BBX: variants seen among roughly 807,000 people sequenced by gnomAD.
BBX encodes HMG box transcription factor BBX.
Under a neutral mutation model 100.2 loss-of-function variants are expected in BBX, and 30 were observed. The observed-to-expected ratio is 0.30, with a 90% CI of 0.22 to 0.41. BBX has a LOEUF of 0.41. BBX is among the 10% of genes least tolerant of loss of function. The probability of loss-of-function intolerance (pLI) is 1.00; values close to 1 mark genes in which losing one functional copy is unlikely to be tolerated. For missense variants in BBX, 1,023 were observed against 1,129.8 expected (o/e 0.91, Z 1.35); for synonymous variants, 376 against 388.1 (o/e 0.97, Z 0.37).
chr3:107,562,029 A>C (rs1479090691), intron 2 of BBX, among the ~76,000 whole-genome samples: 1 of 152,212 alleles, frequency 6.6e-6, no homozygotes. Flanking sequence ...CATGGATTTC[A>C]TTTAATCCGT....
intron 3 of BBX, among the ~76,000 whole-genome samples, chr3:107,648,535 A>G (rs1301262229): frequency 1.3e-5 from 2 of 152,164 alleles, no homozygotes; most frequent in Non-Finnish European, 2.9e-5. Flanking sequence ...CGCTTTTTCC[A>G]GTAGTAATAT....
Position 107,805,665 on chromosome 3 carries a change from C to T in BBX, c.*208C>T. ...CCAGAATCTTTGAGGGTAAGGTTAT[C>T]TGTCTGATACTGAGCAGAAACAGAA... On this transcript the variant is annotated 3_prime_UTR_variant, in exon 18 of 18. Coordinates refer to ENST00000325805, the MANE Select transcript of BBX (RefSeq NM_001142568.3). 2.4e-6 allele frequency: 2 copies of T among 839,222 alleles called. No homozygotes were observed. Among genetic ancestry groups the T allele is most frequent in the Non-Finnish European group, 1.8e-6 (1 of 560,020 alleles). 52.0% of individuals were successfully genotyped at this position (839,222 alleles called of 1,614,324 possible).
chr3:107,746,474 T>C (rs1032243513), intron 8 of BBX, among the ~76,000 whole-genome samples: 1 of 152,208 alleles, frequency 6.6e-6, no homozygotes, highest in African/African-American at 2.4e-5. Flanking sequence ...CTACCTAGTT[T>C]GTTAAATTGG....
intron 10 of BBX, among the ~76,000 whole-genome samples, chr3:107,764,512 T>C (rs74901027): frequency 0.025 from 3,854 of 152,290 alleles, 64 homozygotes; most frequent in Non-Finnish European, 0.041. Flanking sequence ...AAAAATAAAG[T>C]AGTACCTGAG....
chr3:107,672,792 CATTTTAATGAAGTAA>C (rs1381554870), intron 3 of BBX, among the ~76,000 whole-genome samples: 4 of 152,120 alleles, frequency 2.6e-5, no homozygotes, highest in South Asian at 4.1e-4. Flanking sequence ...GACTGTTGGT[CATTTTAATGAAGTAA>C]ATTTTAATGA....
intron 3 of BBX, among the ~76,000 whole-genome samples, chr3:107,703,032 A>G (rs2061177629): frequency 6.6e-6 from 1 of 152,174 alleles, no homozygotes; most frequent in Admixed American, 6.5e-5. Context: ...GTTCAGCTGC[A>G]TTGAGAGTAA....
chr3:107,778,245 C>T (rs2067488449), intron 12 of BBX, 126 bp from the exon 13 acceptor site: 1 of 1,186,244 alleles, frequency 8.4e-7, no homozygotes, highest in Non-Finnish European at 1.2e-6. Context: ...TTTCCTTGCA[C>T]AGAATTTACT....
intron 3 of BBX, among the ~76,000 whole-genome samples, chr3:107,701,632 T>C (rs1164132268): frequency 6.6e-6 from 1 of 152,234 alleles, no homozygotes; most frequent in Non-Finnish European, 1.5e-5. Context: ...TCAGTAAATA[T>C]GTATTCAACT....
chr3:107,524,898 A>G (rs894828153), intron 1 of BBX, among the ~76,000 whole-genome samples: 1 of 151,194 alleles, frequency 6.6e-6, no homozygotes, highest in East Asian at 2.0e-4. Flanking sequence ...TGGGGCTTTG[A>G]AACCATTGCC....
In BBX at chr3:107,647,340, C is replaced by T. The variant is rs549982222; in HGVS notation, c.-10+1431C>T. On this transcript the variant is annotated intron_variant, in intron 3 of 17. Transcript: ENST00000325805. ...CAAAAAGCAAAGCCGGACACTTTAT[C>T]TGACCTGTTCAGAAAAACTAAGTAA... Among the ~76,000 whole-genome samples the T allele has an allele frequency of 2.0e-5, 3 of 152,310 alleles. No homozygotes were observed. In the East Asian group the frequency reaches 5.8e-4, roughly 29 times the overall value.
chr3:107,687,151 AG>A (rs2059894216), intron 3 of BBX, among the ~76,000 whole-genome samples: 1 of 152,210 alleles, frequency 6.6e-6, no homozygotes, highest in South Asian at 2.1e-4. Context: ...AAATGTCAGA[AG>A]TTAAAAAACA....
intron 2 of BBX, among the ~76,000 whole-genome samples, chr3:107,625,573 C>T (rs1371688617): frequency 1.3e-5 from 2 of 152,206 alleles, no homozygotes; most frequent in East Asian, 3.8e-4. Context: ...TGGGAGCCAC[C>T]ATGCCTGGTA....
At chr3:107,717,641 A>G (rs2062198382) in intron 5 of BBX, among the ~76,000 whole-genome samples, 1 of 152,134 alleles carries the variant, frequency 6.6e-6, no homozygotes, top group South Asian at 2.1e-4. Flanking sequence ...TCCATGTAGG[A>G]AGGCTATTCA....
chr3:107,586,939 TG>T (rs2052894517), intron 2 of BBX, among the ~76,000 whole-genome samples: 1 of 151,756 alleles, frequency 6.6e-6, no homozygotes, highest in Non-Finnish European at 1.5e-5. Flanking sequence ...TTAGTAGAAA[TG>T]GGGTTTCACT....
At chr3:107,772,002 T>C (rs1331228355) in intron 10 of BBX, among the ~76,000 whole-genome samples, 3 of 152,068 alleles carry the variant, frequency 2.0e-5, no homozygotes, top group Non-Finnish European at 4.4e-5. Flanking sequence ...AACAAGAAGC[T>C]CAAAGGAAAT....
chr3:107,688,863 C>T (rs74692051), intron 3 of BBX, among the ~76,000 whole-genome samples: 5,363 of 152,226 alleles, frequency 0.035, 139 homozygotes, highest in Non-Finnish European at 0.055. Flanking sequence ...CCTTTTAGTA[C>T]AGATTTGGCA....
intron 2 of BBX, among the ~76,000 whole-genome samples, chr3:107,564,296 T>G (rs1417421040): frequency 6.6e-6 from 1 of 152,164 alleles, no homozygotes; most frequent in African/African-American, 2.4e-5. Context: ...TTTGACTATA[T>G]GTATGTATGT....
At chr3:107,685,192 T>C (rs900839851) in intron 3 of BBX, among the ~76,000 whole-genome samples, 9 of 152,110 alleles carry the variant, frequency 5.9e-5, no homozygotes, top group African/African-American at 2.2e-4. Flanking sequence ...GAAACAAGTT[T>C]TAAGAGAATA....
At chr3:107,608,097 T>G (rs2054582080) in intron 2 of BBX, among the ~76,000 whole-genome samples, 1 of 152,226 alleles carries the variant, frequency 6.6e-6, no homozygotes. Flanking sequence ...TCTCTTTGGT[T>G]GCCTGCGCTT....
Sources: gnomAD v4.1 joint callset for allele counts (sites outside exome capture counted in the v4.1 genomes callset) on GRCh38, gnomAD v4.1.1 for gene constraint, MANE v1.5 for transcripts, NCBI Gene and HGNC (gene_info 2026-07-23, HGNC 2026-07-21) for gene names.